Variants in LRRK1 observed in about 807,000 individuals in gnomAD.
LRRK1 encodes leucine-rich repeat serine/threonine-protein kinase 1.
Under a neutral mutation model 209.1 loss-of-function variants are expected in LRRK1, and 113 were observed. The ratio of observed to expected loss-of-function variants is 0.54; its 90% CI spans 0.46 to 0.63. The LOEUF (loss-of-function observed/expected upper bound fraction) is 0.63. LRRK1 is among the 30% of genes least tolerant of loss of function. LRRK1 has a pLI of 0.00. For missense variants in LRRK1, 2,284 were observed against 2,632.2 expected, an observed-to-expected ratio of 0.87 and a Z score of 2.89; for synonymous variants, 1,144 against 1,099.7, an observed-to-expected ratio of 1.04 and a Z score of -0.80.
At chr15:101,019,019 C>T (rs1195303130) in intron 12 of LRRK1, among the ~76,000 whole-genome samples, 2 of 152,092 alleles carry the variant, frequency 1.3e-5, no homozygotes, top group Admixed American at 6.5e-5. Context: ...TTTGGATGGC[C>T]GTTTTTACGG....
At chr15:101,060,894 C>T (rs968714065) in intron 29 of LRRK1, among the ~76,000 whole-genome samples, 4 of 152,220 alleles carry the variant, frequency 2.6e-5, no homozygotes, top group African/African-American at 7.2e-5. Context: ...ATATGGCCGG[C>T]GGGAGGGCCC....
chr15:101,044,442 T>C (rs2034941954), intron 20 of LRRK1, among the ~76,000 whole-genome samples: 1 of 152,224 alleles, frequency 6.6e-6, no homozygotes, highest in African/African-American at 2.4e-5. Context: ...TCTTAGGACC[T>C]GTCCTGCCGA....
rs181357912 is a variant in LRRK1, at chr15:101,063,953, G to A, written c.4914+1263G>A. On this transcript the variant is annotated intron_variant, in intron 31 of 33. Coordinates refer to ENST00000388948, the MANE Select transcript of LRRK1 (RefSeq NM_024652.6). ...AAGTGTTATTGAGGCCACCGCTGGC[G>A]AGAGCCCCCAGCCAGGGCACCACCT... Among the ~76,000 whole-genome samples, 243 of 152,278 alleles carry A rather than the reference G, an allele frequency of 1.6e-3. 1 individual carries two copies. In the South Asian group the frequency reaches 0.019, roughly 12 times the overall value.
At chr15:100,954,493 A>G (rs1219031910) in intron 2 of LRRK1, among the ~76,000 whole-genome samples, 2 of 151,900 alleles carry the variant, frequency 1.3e-5, no homozygotes, top group Non-Finnish European at 2.9e-5. Flanking sequence ...TGTGGTTTTT[A>G]GTTTGATGTA....
Position 100,972,335 on chromosome 15 carries a change from T to TGA in LRRK1, c.98-1441_98-1440dup, listed in dbSNP as rs747771078. On this transcript the variant is annotated intron_variant, in intron 2 of 33. Coordinates refer to ENST00000388948, the MANE Select transcript of LRRK1 (RefSeq NM_024652.6). ...AATTTGGGATATATATATATATATA[T>TGA]GAGAGAGAGAGAGAGAGAGAGAGAG... 1.6e-3 allele frequency among the ~76,000 whole-genome samples: 175 copies of TGA among 106,158 alleles called. 1 individual carries two copies. Among genetic ancestry groups the TGA allele is most frequent in the Admixed American group, 5.9e-3 (51 of 8,654 alleles). 69.6% of individuals were successfully genotyped at this position (106,158 alleles called of 152,430 possible).
chr15:100,993,190 G>A (rs1275682029), intron 6 of LRRK1, among the ~76,000 whole-genome samples: 2 of 152,158 alleles, frequency 1.3e-5, no homozygotes, highest in South Asian at 2.1e-4. Flanking sequence ...CGTAGCAAAC[G>A]CCTAATAGAT....
rs1011585768 is a variant in LRRK1 at position 101,022,113 on chromosome 15, A to G, written c.1852+156A>G. Among the ~76,000 whole-genome samples the G allele has an allele frequency of 2.0e-5, 3 of 152,296 alleles. No individual in the cohort carries two copies. The highest frequency in any genetic ancestry group is 2.9e-5 in the Non-Finnish European group (2 of 68,026). On this transcript the variant is annotated intron_variant, in intron 14 of 33. Coordinates refer to ENST00000388948, the MANE Select transcript of LRRK1 (RefSeq NM_024652.6). The surrounding 1 kb of genome is among the most constrained non-coding windows in gnomAD (Gnocchi z 4.0). ...ATGCTATAAAATTGTCCCTAAAGCA[A>G]TCGTTACTGAGGGTCACTATACTGA...
At chr15:100,990,102 A>T (rs2032080549) in intron 6 of LRRK1, among the ~76,000 whole-genome samples, 1 of 152,202 alleles carries the variant, frequency 6.6e-6, no homozygotes, top group Non-Finnish European at 1.5e-5. Context: ...CTATAAAAAC[A>T]TTTACAAAAC....
chr15:101,016,003 T>A (rs2033521069), intron 12 of LRRK1, among the ~76,000 whole-genome samples: 1 of 145,288 alleles, frequency 6.9e-6, no homozygotes, highest in Admixed American at 6.9e-5. Flanking sequence ...TTTTTTTTTT[T>A]CTTTGAGACT....
intron 20 of LRRK1, among the ~76,000 whole-genome samples, chr15:101,035,662 A>G (rs1397071132): frequency 6.6e-6 from 1 of 152,078 alleles, no homozygotes; most frequent in South Asian, 2.1e-4. Context: ...GCAATTATTA[A>G]TATGTGAGGT....
At chr15:100,983,759 C>T in intron 4 of LRRK1, 60 bp downstream of exon 4, 1 of 1,492,774 alleles carries the variant, frequency 6.7e-7, no homozygotes, top group Non-Finnish European at 9.3e-7. Flanking sequence ...TTAGGCTTCA[C>T]CCCAAAATGT....
chr15:101,010,801 C>A lies in LRRK1; in HGVS notation c.1245C>A (p.Asn415Lys). The A allele has an allele frequency of 2.5e-6, 4 of 1,614,006 alleles. No individual in the cohort carries two copies. Among genetic ancestry groups the A allele is most frequent in the Non-Finnish European group, 3.4e-6 (4 of 1,179,996 alleles). The change falls in exon 9 of 34, where the codon AAC becomes AAA. Residue 415 changes from asparagine to lysine, a missense_variant. This residue lies in a region of LRRK1 where 494 missense variants were observed against 522.1 expected (regional missense o/e 0.95). Coordinates refer to ENST00000388948, the MANE Select transcript of LRRK1 (RefSeq NM_024652.6). ...SLNSLNVSRN[N>K]LKVFPDPWAC... ...ATTCTCTGAATGTCTCCAGAAACAA[C>A]CTGAAGGTGTTTCCAGATCCCTGGG...
At chr15:100,951,632 T>C (rs1254926601) in intron 2 of LRRK1, among the ~76,000 whole-genome samples, 3 of 152,178 alleles carry the variant, frequency 2.0e-5, no homozygotes, top group African/African-American at 7.2e-5. Context: ...ATAGCATTAC[T>C]AGCAAGTATG....
chr15:101,001,989 AT>A (rs1457388528), intron 6 of LRRK1, among the ~76,000 whole-genome samples: 1 of 152,162 alleles, frequency 6.6e-6, no homozygotes, highest in African/African-American at 2.4e-5. Flanking sequence ...CTGTGTGCAT[AT>A]GTCACAGGGG....
intron 4 of LRRK1, among the ~76,000 whole-genome samples, chr15:100,988,169 A>G (rs1050488863): frequency 6.6e-6 from 1 of 152,312 alleles, no homozygotes; most frequent in Admixed American, 6.5e-5. Flanking sequence ...CTTTAGGTTC[A>G]GGGGTACATA....
At position 101,065,714 on chromosome 15, in the gene LRRK1, C is replaced by T. The variant is rs1200544075; in HGVS notation, c.5277C>T (p.Asn1759=). 6.2e-7 allele frequency: 1 copy of T among 1,614,146 alleles called. No homozygotes were observed. Among genetic ancestry groups the T allele is most frequent in the African/African-American group, 1.3e-5 (1 of 75,046 alleles). Residue 1759 remains asparagine, a synonymous_variant, in exon 32 of 34, where the codon AAC becomes AAT. Coordinates refer to ENST00000388948, the MANE Select transcript of LRRK1 (RefSeq NM_024652.6). ...EVVWCLDDKA[N]SLVMYHSTTY... is the part of the protein sequence containing the mutation. ...TCTGGTGCCTGGATGACAAGGCCAA[C>T]TCCTTGGTGATGTACCACTCCACCA...
In LRRK1 at chr15:100,983,596, A is replaced by C. The variant is rs774548299; in HGVS notation, c.330A>C (p.Arg110Ser). Reference protein sequence around the residue: ...LEMVRYLLSKRLVELPTEPTD... With the variant: ...LEMVRYLLSKSLVELPTEPTD... ...TGGTCCGCTACCTACTCAGCAAGAGACTGGTGGAGCTGCCCACCGAGCCCA... is the reference window on the plus strand; with the variant it reads ...TGGTCCGCTACCTACTCAGCAAGAGCCTGGTGGAGCTGCCCACCGAGCCCA... The change falls in exon 4 of 34, where the codon AGA becomes AGC. Residue 110 changes from arginine to serine, a missense_variant. Arg to Ser is a moderately radical substitution (Grantham distance 110). Transcript: ENST00000388948. 30 of 1,611,866 alleles carry C rather than the reference A, an allele frequency of 1.9e-5. No homozygotes were observed. Among genetic ancestry groups the C allele is most frequent in the Non-Finnish European group, 2.4e-5 (28 of 1,178,694 alleles).
intron 3 of LRRK1, among the ~76,000 whole-genome samples, chr15:100,980,424 G>T (rs1256607870): frequency 6.6e-6 from 1 of 152,212 alleles, no homozygotes; most frequent in Non-Finnish European, 1.5e-5. Flanking sequence ...AAAAGGAAGA[G>T]AATGAGTGAG....
chr15:101,066,534 T>C (rs1596362175), intron 32 of LRRK1, 106 bp from the exon 33 acceptor site: 1 of 1,005,836 alleles, frequency 9.9e-7, no homozygotes, highest in Admixed American at 1.9e-5. Flanking sequence ...TAGCAGAAAC[T>C]GCATGTCTGT....
Sources: gnomAD v4.1 joint callset for allele counts (sites outside exome capture counted in the v4.1 genomes callset) on GRCh38, gnomAD v4.1.1 for gene constraint, gnomAD v4.1.1 regional missense constraint, Gnocchi (gnomAD v3.1) non-coding constraint, MANE v1.5 for transcripts, NCBI Gene and HGNC (gene_info 2026-07-23, HGNC 2026-07-21) for gene names.